SPTB: variants seen among roughly 807,000 people sequenced by gnomAD.
The protein encoded by SPTB is spectrin beta chain, erythrocytic.
A neutral mutation model predicts 256.2 loss-of-function variants in SPTB; 45 were observed. That is an observed-to-expected ratio of 0.18 (90% confidence interval 0.14 to 0.23). SPTB has a LOEUF of 0.23. Ranked by LOEUF, SPTB falls within the 10% of genes least tolerant of loss-of-function variation. SPTB has a pLI of 1.00. For synonymous variants in SPTB, 1,231 were observed against 1,243.1 expected, an observed-to-expected ratio of 0.99 and a Z score of 0.21; for missense variants, 2,715 against 3,040.4, an observed-to-expected ratio of 0.89 and a Z score of 2.52.
Position 64,749,853 on chromosome 14 carries a change from C to CTT in SPTB, c.6776+126_6776+127dup. ...AGGTCAAAGTCTGGACCATCAGCCTCTTTGATTTGAAAAACCCCTGAGGAG... is the reference window on the plus strand; with the variant it reads ...AGGTCAAAGTCTGGACCATCAGCCTCTTTTTGATTTGAAAAACCCCTGAGGAG... On this transcript the variant is annotated intron_variant, in intron 34 of 35. Transcript: ENST00000644917. The surrounding 1 kb of genome is among the most constrained non-coding windows in gnomAD (Gnocchi z 4.7). 2 of 1,506,132 alleles carry CTT rather than the reference C, an allele frequency of 1.3e-6. No homozygotes were observed. The highest frequency in any genetic ancestry group is 1.8e-6 in the Non-Finnish European group (2 of 1,089,552). The allele number at this position is 1,506,132 out of a possible 1,614,324, so 93.3% of individuals were successfully genotyped here. A position where few individuals can be genotyped will look rare whatever the true frequency, so the allele number is the denominator to read the frequency against.
intron 19 of SPTB, among the ~76,000 whole-genome samples, chr14:64,783,023 C>T (rs754567566): frequency 1.3e-5 from 2 of 152,048 alleles, no homozygotes; most frequent in Non-Finnish European, 2.9e-5. Flanking sequence ...ATTCCAGACC[C>T]ATCCAGGTAC....
chr14:64,773,527 T>C, intron 24 of SPTB, 103 bp from the exon 25 acceptor site: 5 of 1,234,322 alleles, frequency 4.1e-6, no homozygotes, highest in Non-Finnish European at 5.9e-6. Context: ...CTGGCAGGGA[T>C]AGGTAGGGAG....
chr14:64,877,312 G>A (rs1318470812), intron 1 of SPTB, among the ~76,000 whole-genome samples: 1 of 152,084 alleles, frequency 6.6e-6, no homozygotes, highest in Non-Finnish European at 1.5e-5. Context: ...GATATAAGCA[G>A]AACTATTACC....
At chr14:64,780,019 T>G (rs1594767717) in intron 20 of SPTB, 88 bp from the exon 21 acceptor site, 2 of 1,186,334 alleles carry the variant, frequency 1.7e-6, no homozygotes, top group South Asian at 2.4e-5. Context: ...CCACCCATCC[T>G]TTAAGGCCCA....
chr14:64,794,232 A>G (rs2082726507), intron 13 of SPTB, among the ~76,000 whole-genome samples: 1 of 152,232 alleles, frequency 6.6e-6, no homozygotes, highest in Admixed American at 6.5e-5. Context: ...AACTTGAACT[A>G]GCAAGGAGAA....
At chr14:64,787,483 C>T (rs185104812) in intron 15 of SPTB, among the ~76,000 whole-genome samples, 1 of 152,212 alleles carries the variant, frequency 6.6e-6, no homozygotes, top group African/African-American at 2.4e-5. Flanking sequence ...ATACAATTTC[C>T]CCAGAGTTTA....
intron 24 of SPTB, 31 bp from the exon 25 acceptor site, chr14:64,773,455 G>C: frequency 6.2e-7 from 1 of 1,610,218 alleles, no homozygotes; most frequent in Non-Finnish European, 8.5e-7. Flanking sequence ...GGCCCTCAGA[G>C]ACGGCAGCCA....
At chr14:64,803,386 A>G (rs2082924904) in intron 4 of SPTB, among the ~76,000 whole-genome samples, 1 of 152,212 alleles carries the variant, frequency 6.6e-6, no homozygotes, top group Non-Finnish European at 1.5e-5. Flanking sequence ...TCTCCCTGAA[A>G]AGACCATACT....
Position 64,774,787 on chromosome 14 carries a change from A to G in SPTB, c.4843-260T>C, listed in dbSNP as rs73275604. On this transcript the variant is annotated intron_variant, in intron 23 of 35. Coordinates refer to ENST00000644917, the MANE Select transcript of SPTB (RefSeq NM_001355436.2). Reference sequence around the variant, plus strand: ...GTGCTCTAACCCCTGTCCCCATGAAAACATCCTATATCATTCCAGCTTTGA... The same window carrying G: ...GTGCTCTAACCCCTGTCCCCATGAAGACATCCTATATCATTCCAGCTTTGA... Among the ~76,000 whole-genome samples, 164 of 152,078 alleles carry G rather than the reference A, an allele frequency of 1.1e-3. 1 individual carries two copies. The highest frequency in any genetic ancestry group is 3.8e-3 in the African/African-American group (159 of 41,452).
intron 15 of SPTB, among the ~76,000 whole-genome samples, chr14:64,789,053 A>ACAAAG (rs1164453545): frequency 9.9e-5 from 15 of 152,196 alleles, no homozygotes; most frequent in African/African-American, 3.6e-4. Context: ...TAGGGATATG[A>ACAAAG]CAAAGAACTA....
Position 64,795,957 on chromosome 14 carries a change from G to A in SPTB, c.1342-318C>T, listed in dbSNP as rs921798434. Among the ~76,000 whole-genome samples the A allele has an allele frequency of 1.3e-5, 2 of 152,170 alleles. No individual in the cohort carries two copies. Among genetic ancestry groups the A allele is most frequent in the Non-Finnish European group, 2.9e-5 (2 of 68,018 alleles). On this transcript the variant is annotated intron_variant, in intron 11 of 35. Transcript: ENST00000644917. This position sits in a 1 kb window ranked among gnomAD's most constrained non-coding sequence, Gnocchi z 6.5. ...CCCACATGCCTCGAGTGGACCTGTT[G>A]GATTTGGGGCAGGAAGGGGCTGCTT...
Position 64,775,356 on chromosome 14 carries a change from C to T in SPTB, c.4611G>A (p.Val1537=), listed in dbSNP as rs368430432. The change falls in exon 23 of 36, where the codon GTG becomes GTA. Residue 1537 remains valine (V), a synonymous_variant. Transcript: ENST00000644917. The surrounding 1 kb of genome is among the most constrained non-coding windows in gnomAD (Gnocchi z 5.0). ...CCACCAGCTGCTGCCCTCTCTGCAG[C>T]ACATCCTCAACCCGCGGCGTATGGC... ...ILGHTPRVED[V]LQRGQQLVEA... is the part of the protein sequence containing the mutation. 2 of 1,613,422 alleles carry T rather than the reference C, an allele frequency of 1.2e-6. No individual in the cohort carries two copies. The highest frequency in any genetic ancestry group is 1.1e-5 in the South Asian group (1 of 91,040).
chr14:64,773,483 C>T (rs1178660266), intron 24 of SPTB, 59 bp from the exon 25 acceptor site: 16 of 1,582,120 alleles, frequency 1.0e-5, no homozygotes, highest in Non-Finnish European at 1.4e-5. Context: ...AGAGCCGTGG[C>T]TCCAGGGAGC....
intron 1 of SPTB, among the ~76,000 whole-genome samples, chr14:64,840,012 C>A (rs1301448311): frequency 2.0e-5 from 3 of 152,216 alleles, no homozygotes; most frequent in Non-Finnish European, 4.4e-5. Flanking sequence ...AAGTTATCTC[C>A]TGCAATTTCT....
At chr14:64,768,893 C>T (rs2082234146) in intron 29 of SPTB, 141 bp downstream of exon 29, 1 of 779,420 alleles carries the variant, frequency 1.3e-6, no homozygotes, top group Admixed American at 1.8e-5. Flanking sequence ...CCCCTGGCCC[C>T]AGAGCTTTGC....
Position 64,803,756 on chromosome 14 carries a change from G to A in SPTB, c.325C>T (p.Arg109Cys), listed in dbSNP as rs139094636. 6.8e-6 allele frequency: 11 copies of A among 1,612,784 alleles called. No individual in the cohort carries two copies. The highest frequency in any genetic ancestry group is 1.7e-5 in the Admixed American group (1 of 59,806). ...MLPKPTKGKM[R>C]IHCLENVDKA... ...TCCACATTCTCCAGGCAGTGGATGC[G>A]CATCTTCCCCTTGGTGGGCTTTGGC... The change falls in exon 4 of 36, where the codon CGC becomes TGC. Residue 109 changes from arginine (R) to cysteine (C), a missense_variant. By Grantham distance (180) the Arg-to-Cys change is radical. Coordinates refer to ENST00000644917, the MANE Select transcript of SPTB (RefSeq NM_001355436.2).
intron 1 of SPTB, among the ~76,000 whole-genome samples, chr14:64,876,451 G>C (rs987164387): frequency 6.6e-6 from 1 of 152,122 alleles, no homozygotes; most frequent in Non-Finnish European, 1.5e-5. Flanking sequence ...TGAGCAGACA[G>C]TAAAATTTTG....
rs754539961 is a variant in SPTB at position 64,792,964 on chromosome 14, A to T, written c.2666+33T>A. 1 of 1,613,590 alleles carries T rather than the reference A, an allele frequency of 6.2e-7. No individual in the cohort carries two copies. Among genetic ancestry groups the T allele is most frequent in the Non-Finnish European group, 8.5e-7 (1 of 1,179,998 alleles). ...GGAGATGGTGCCCAGGCCTGGGTAC[A>T]GGGACGTGAGGAAAAGATGAGTTAA... is the stretch of plus-strand genomic sequence containing the variant. On this transcript the variant is annotated intron_variant, in intron 14 of 35. Transcript: ENST00000644917. This position sits in a 1 kb window ranked among gnomAD's most constrained non-coding sequence, Gnocchi z 4.2.
In SPTB at chr14:64,785,434, G is replaced by T; in HGVS notation, c.3855+103C>A. The stretch of plus-strand genomic sequence containing the variant: ...AGGTCCCCGCTCATGGAATCCCACA[G>T]CTCTTGAGCTAGAAAGGATCCCTGT... On this transcript the variant is annotated intron_variant, in intron 18 of 35. Transcript: ENST00000644917. This position sits in a 1 kb window ranked among gnomAD's most constrained non-coding sequence, Gnocchi z 4.4. 2 of 1,050,500 alleles carry T rather than the reference G, an allele frequency of 1.9e-6. No homozygotes were observed. The highest frequency in any genetic ancestry group is 2.9e-6 in the Non-Finnish European group (2 of 695,392). The allele number at this position is 1,050,500 out of a possible 1,614,324, so 65.1% of individuals were successfully genotyped here.
Sources: gnomAD v4.1 joint callset for allele counts (sites outside exome capture counted in the v4.1 genomes callset) on GRCh38, gnomAD v4.1.1 for gene constraint, Gnocchi (gnomAD v3.1) non-coding constraint, MANE v1.5 for transcripts, NCBI Gene and HGNC (gene_info 2026-07-23, HGNC 2026-07-21) for gene names.